The following ZNF304 variants were observed in gnomAD, a reference collection of about 807,000 sequenced individuals.
The protein encoded by ZNF304 is zinc finger protein 304.
Under a neutral mutation model 7.8 loss-of-function variants are expected in ZNF304, and 7 were observed. The observed-to-expected ratio is 0.90, with a 90% CI of 0.51 to 1.69. The LOEUF is 1.69. Ranked by LOEUF, ZNF304 falls within the 40% of genes most tolerant of loss-of-function variation. The pLI is 0.00. For missense variants in ZNF304, 669 were observed against 804.8 expected (o/e 0.83, Z 2.04); for synonymous variants, 280 against 272.4 (o/e 1.03, Z -0.27).
chr19:57,357,974 A>T lies in ZNF304; in HGVS notation c.*125A>T. The T allele has an allele frequency of 8.4e-7, 1 of 1,194,540 alleles. No individual in the cohort carries two copies. The highest frequency in any genetic ancestry group is 1.2e-6 in the Non-Finnish European group (1 of 856,046). The allele number at this position is 1,194,540 out of a possible 1,614,324, so 74.0% of individuals were successfully genotyped here. A position where few individuals can be genotyped will look rare whatever the true frequency, so the allele number is the denominator to read the frequency against. ...ACCCTTTGTGAGGGAACCATCAGCT[A>T]GCAGATGAGCACCGTATATTCATTC... On this transcript the variant is annotated 3_prime_UTR_variant, in exon 3 of 3. Coordinates refer to ENST00000282286, the MANE Select transcript of ZNF304 (RefSeq NM_020657.4).
Position 57,351,826 on chromosome 19 carries a change from G to A in ZNF304, c.33+129G>A. ...GAGGGGTTCCGCTCCCCTCATCAGT[G>A]GCATAAGGTGTGGAACGGACTCGAA... On this transcript the variant is annotated intron_variant, in intron 1 of 2. Coordinates refer to ENST00000282286, the MANE Select transcript of ZNF304 (RefSeq NM_020657.4). This position sits in a 1 kb window ranked among gnomAD's most constrained non-coding sequence, Gnocchi z 4.1. The A allele has an allele frequency of 9.7e-7, 1 of 1,035,514 alleles. No individual in the cohort carries two copies. The highest frequency in any genetic ancestry group is 1.4e-6 in the Non-Finnish European group (1 of 714,068). 64.1% of individuals were successfully genotyped at this position (1,035,514 alleles called of 1,614,324 possible).
rs2088269925 is a variant in ZNF304 at position 57,351,319 on chromosome 19, T to G, written c.-346T>G. ...TGCATTCTGGTTGTGAAGGCTGAGT[T>G]CTAGAGATCGGGTCGGCTTTCTACG... On this transcript the variant is annotated 5_prime_UTR_variant, in exon 1 of 3. Transcript: ENST00000282286. The surrounding 1 kb of genome is among the most constrained non-coding windows in gnomAD (Gnocchi z 4.1). 1 of 335,644 alleles carries G rather than the reference T, an allele frequency of 3.0e-6. No homozygotes were observed. Among genetic ancestry groups the G allele is most frequent in the South Asian group, 4.1e-5 (1 of 24,526 alleles). The allele number at this position is 335,644 out of a possible 1,614,324, so 20.8% of individuals were successfully genotyped here.
rs73633794 is a variant in ZNF304 at position 57,351,296 on chromosome 19, C to T, written c.-369C>T. ...GTATTTTTCCTATGCCCGGTCCGTG[C>T]ATTCTGGTTGTGAAGGCTGAGTTCT... On this transcript the variant is annotated 5_prime_UTR_variant, in exon 1 of 3. Transcript: ENST00000282286. The surrounding 1 kb of genome is among the most constrained non-coding windows in gnomAD (Gnocchi z 4.1). 1.9e-3 allele frequency: 516 copies of T among 269,654 alleles called. 3 individuals are homozygous for T. The highest frequency in any genetic ancestry group is 0.011 in the African/African-American group (489 of 44,486). 16.7% of individuals were successfully genotyped at this position (269,654 alleles called of 1,614,324 possible).
chr19:57,357,572 A>C lies in ZNF304; in HGVS notation c.1703A>C (p.Tyr568Ser), dbSNP rs768716914. The C allele has an allele frequency of 6.2e-7, 1 of 1,614,046 alleles. No individual in the cohort carries two copies. The highest frequency in any genetic ancestry group is 1.1e-5 in the South Asian group (1 of 91,080). The change falls in exon 3 of 3, where the codon TAC becomes TCC. Residue 568 changes from tyrosine (Y) to serine (S), a missense_variant. Transcript: ENST00000282286. ...PYVCSECGKAYISSSHLVQHK... is the reference protein window; with the variant it reads ...PYVCSECGKASISSSHLVQHK... ...GTGTGCAGTGAATGTGGGAAGGCTT[A>C]CATTAGTAGCTCCCACCTTGTTCAA...
Position 57,356,065 on chromosome 19 carries a change from G to A in ZNF304, c.196G>A (p.Glu66Lys), listed in dbSNP as rs760456095. ...TGAAGCAGAACATGAGGCACCTTCT[G>A]AGCAGAGCGTTTCTGTAGAAGGAGT... Reference protein sequence around the residue: ...WCEAEHEAPSEQSVSVEGVSQ... With the variant: ...WCEAEHEAPSKQSVSVEGVSQ... The change falls in exon 3 of 3, where the codon GAG becomes AAG. Residue 66 changes from glutamate to lysine, a missense_variant. By Grantham distance (56) the Glu-to-Lys change is moderately conservative. Coordinates refer to ENST00000282286, the MANE Select transcript of ZNF304 (RefSeq NM_020657.4). 16 of 1,613,676 alleles carry A rather than the reference G, an allele frequency of 9.9e-6. No homozygotes were observed. Among genetic ancestry groups the A allele is most frequent in the Admixed American group, 3.3e-5 (2 of 59,980 alleles).
Position 57,356,727 on chromosome 19 carries a change from A to C in ZNF304, c.858A>C (p.Lys286Asn). 6.2e-7 allele frequency: 1 copy of C among 1,614,252 alleles called. No homozygotes were observed. ...CTCATGTGTGTAAGGAGTGTGGAAA[A>C]GCCTTCATTCACTTGCACCACCTAA... ...EISHVCKECGKAFIHLHHLKM... is the reference protein window; with the variant it reads ...EISHVCKECGNAFIHLHHLKM... Residue 286 changes from lysine (K) to asparagine (N), a missense_variant, in exon 3 of 3, where the codon AAA (lysine) becomes AAC (asparagine). Physicochemically the swap from Lys to Asn is moderately conservative, Grantham distance 94. Transcript: ENST00000282286.
chr19:57,353,733 G>T lies in ZNF304; in HGVS notation c.42G>T (p.Val14=), dbSNP rs777622415. The T allele has an allele frequency of 1.9e-6, 3 of 1,610,960 alleles. No homozygotes were observed. Among genetic ancestry groups the T allele is most frequent in the Non-Finnish European group, 2.5e-6 (3 of 1,178,404 alleles). The change falls in exon 2 of 3, where the codon GTG becomes GTT. Residue 14 remains valine (V), a synonymous_variant. Transcript: ENST00000282286. ...AVLMDRVQSC[V]TFEDVFVYFS... is the part of the protein sequence containing the mutation. Reference sequence around the variant, plus strand: ...TGTACTTATCATGGCAGAGTTGTGTGACCTTCGAGGATGTGTTCGTGTACT... The same window carrying T: ...TGTACTTATCATGGCAGAGTTGTGTTACCTTCGAGGATGTGTTCGTGTACT...
chr19:57,354,130 C>T (rs2088308465), intron 2 of ZNF304, among the ~76,000 whole-genome samples: 1 of 152,096 alleles, frequency 6.6e-6, no homozygotes, highest in Non-Finnish European at 1.5e-5. Flanking sequence ...CCACCTCACC[C>T]TCCTGAGTAG....
intron 2 of ZNF304, chr19:57,355,166 C>T (rs1454986667): frequency 1.2e-5 from 8 of 694,598 alleles, no homozygotes; most frequent in Non-Finnish European, 2.1e-5. Flanking sequence ...GATTACAGGG[C>T]TGTCCTGGTA....
intron 1 of ZNF304, chr19:57,352,711 C>G (rs1364477138): frequency 1.3e-5 from 2 of 152,220 alleles, no homozygotes; most frequent in Non-Finnish European, 2.9e-5. Flanking sequence ...TTGATGGTGT[C>G]TGGTCTAGAG....
chr19:57,357,334 A>G lies in ZNF304; in HGVS notation c.1465A>G (p.Thr489Ala). The part of the protein sequence containing the change: ...ECGKAFSRKD[T>A]LVQHQKIHTG... ...TGGGAAGGCCTTCAGCCGTAAAGAC[A>G]CACTTGTGCAACACCAAAAAATCCA... Residue 489 changes from threonine (T) to alanine (A), a missense_variant, in exon 3 of 3, where the codon ACA (threonine) becomes GCA (alanine). Coordinates refer to ENST00000282286, the MANE Select transcript of ZNF304 (RefSeq NM_020657.4). 1.2e-6 allele frequency: 2 copies of G among 1,611,776 alleles called. No homozygotes were observed. Among genetic ancestry groups the G allele is most frequent in the Non-Finnish European group, 1.7e-6 (2 of 1,179,458 alleles).
In ZNF304 at chr19:57,357,810, T is replaced by C; in HGVS notation, c.1941T>C (p.Ser647=). The part of the protein sequence containing the change: ...HTGERAHECN[S]FGGPLAASLK... ...GAGAAAGAGCTCACGAGTGCAACAG[T>C]TTTGGTGGCCCTTTAGCTGCATCTC... Residue 647 remains serine (S), a synonymous_variant, in exon 3 of 3, where the codon AGT becomes AGC. Coordinates refer to ENST00000282286, the MANE Select transcript of ZNF304 (RefSeq NM_020657.4). 1 of 1,610,190 alleles carries C rather than the reference T, an allele frequency of 6.2e-7. No homozygotes were observed. Among genetic ancestry groups the C allele is most frequent in the South Asian group, 1.1e-5 (1 of 90,344 alleles).
rs553403400 is a variant in ZNF304, at chr19:57,358,242, C to T, written c.*393C>T. On this transcript the variant is annotated 3_prime_UTR_variant, in exon 3 of 3. Coordinates refer to ENST00000282286, the MANE Select transcript of ZNF304 (RefSeq NM_020657.4). ...ATGAATATTTTCAAGGACTTCCCCC[C>T]CCCCCCACTTCACCCCCTACCATTG... 2.1e-5 allele frequency: 3 copies of T among 141,602 alleles called. No individual in the cohort carries two copies. In the East Asian group the frequency reaches 7.4e-4, roughly 35 times the overall value. 8.8% of individuals were successfully genotyped at this position (141,602 alleles called of 1,614,324 possible). A position where few individuals can be genotyped will look rare whatever the true frequency, so the allele number is the denominator to read the frequency against.
intron 2 of ZNF304, chr19:57,355,194 A>T (rs1310469967): frequency 8.2e-6 from 6 of 732,130 alleles, no homozygotes; most frequent in Non-Finnish European, 1.5e-5. Flanking sequence ...CTTGGAGAGT[A>T]TTTTTTCTAA....
rs749224267 is a variant in ZNF304, at chr19:57,356,577, T to C, written c.708T>C (p.Phe236=). 1.4e-5 allele frequency: 22 copies of C among 1,614,100 alleles called. No homozygotes were observed. Among genetic ancestry groups the C allele is most frequent in the Non-Finnish European group, 1.8e-5 (21 of 1,180,058 alleles). The change falls in exon 3 of 3, where the codon TTT becomes TTC. Residue 236 remains phenylalanine (F), a synonymous_variant. Transcript: ENST00000282286. ...AAGGGAAAGCCTTCCTGGACACCTT[T>C]ACTCTTCTTGACAGCCAGATGACTC... is the stretch of plus-strand genomic sequence containing the variant. The part of the protein sequence containing the change: ...GDEGKAFLDT[F]TLLDSQMTHA...
Position 57,357,977 on chromosome 19 carries a change from A to T in ZNF304, c.*128A>T. ...CTTTGTGAGGGAACCATCAGCTAGC[A>T]GATGAGCACCGTATATTCATTCCAC... On this transcript the variant is annotated 3_prime_UTR_variant, in exon 3 of 3. Transcript: ENST00000282286. 2 of 1,181,362 alleles carry T rather than the reference A, an allele frequency of 1.7e-6. No individual in the cohort carries two copies. The highest frequency in any genetic ancestry group is 2.4e-6 in the Non-Finnish European group (2 of 844,498). 73.2% of individuals were successfully genotyped at this position (1,181,362 alleles called of 1,614,324 possible).
Position 57,357,866 on chromosome 19 carries a change from CAA to C in ZNF304, c.*18_*19del. ...CTTGTTTAACACCAGAAAATTCACACAAGAGAAAGGCCTTATGAATGCAGAAA... is the reference window on the plus strand; with the variant it reads ...CTTGTTTAACACCAGAAAATTCACACGAGAAAGGCCTTATGAATGCAGAAA... On this transcript the variant is annotated 3_prime_UTR_variant, in exon 3 of 3. Transcript: ENST00000282286. 1 of 1,575,950 alleles carries C rather than the reference CAA, an allele frequency of 6.3e-7. No homozygotes were observed. Among genetic ancestry groups the C allele is most frequent in the South Asian group, 1.2e-5 (1 of 83,936 alleles).
chr19:57,354,343 T>C (rs1381016882), intron 2 of ZNF304, among the ~76,000 whole-genome samples: 1 of 152,172 alleles, frequency 6.6e-6, no homozygotes, highest in Non-Finnish European at 1.5e-5. Flanking sequence ...TTGGCTCTCA[T>C]GAAGTTTTAA....
At chr19:57,355,353 A>C (rs779449379) in intron 2 of ZNF304, 9 of 765,248 alleles carry the variant, frequency 1.2e-5, no homozygotes, top group Admixed American at 3.4e-5. Context: ...ACATCACTGC[A>C]GCCACAGTAA....
Sources: gnomAD v4.1 joint callset for allele counts (sites outside exome capture counted in the v4.1 genomes callset) on GRCh38, gnomAD v4.1.1 for gene constraint, Gnocchi (gnomAD v3.1) non-coding constraint, MANE v1.5 for transcripts, NCBI Gene and HGNC (gene_info 2026-07-23, HGNC 2026-07-21) for gene names.